LPO: variants seen among roughly 807,000 people sequenced by gnomAD.
The protein encoded by LPO is salivary peroxidase.
Under a neutral mutation model 68.4 loss-of-function variants are expected in LPO, and 70 were observed. That is an observed-to-expected ratio of 1.02 (90% confidence interval 0.84 to 1.25). LPO has a LOEUF of 1.25. Ranked by LOEUF, LPO falls within the 50% of genes most tolerant of loss-of-function variation. The probability of loss-of-function intolerance (pLI) is 0.00; values close to 1 mark genes in which losing one functional copy is unlikely to be tolerated. For synonymous variants in LPO, 360 were observed against 357.6 expected (o/e 1.01, Z -0.08); for missense variants, 873 against 908.4 (o/e 0.96, Z 0.50).
At chr17:58,267,652 C>G (rs59837478) in intron 12 of LPO, 66 bp downstream of exon 12, 1 of 1,496,520 alleles carries the variant, frequency 6.7e-7, no homozygotes, top group Non-Finnish European at 9.1e-7. Context: ...TCCCAAGGTC[C>G]TGCGTGAGCG....
intron 9 of LPO, among the ~76,000 whole-genome samples, chr17:58,263,812 G>A (rs534280695): frequency 1.3e-5 from 2 of 152,142 alleles, no homozygotes; most frequent in East Asian, 1.9e-4. Context: ...GACTACTTTT[G>A]TGGGCTTTAG....
Position 58,254,857 on chromosome 17 carries a change from C to T in LPO, c.1152C>T (p.Thr384=), listed in dbSNP as rs1567820225. The T allele has an allele frequency of 6.2e-7, 1 of 1,614,122 alleles. No homozygotes were observed. The highest frequency in any genetic ancestry group is 1.1e-5 in the South Asian group (1 of 91,084). The change falls in exon 9 of 13, where the codon ACC becomes ACT. Residue 384 remains threonine (T), a synonymous_variant. Coordinates refer to ENST00000262290, the MANE Select transcript of LPO (RefSeq NM_006151.3). ...ATATTCTGCTGGCCACATCCCACAC[C>T]CTCTTTCTCCGCGAGCATAACCGGC... ...SEHILLATSH[T]LFLREHNRLA...
rs1420837565 is a variant in LPO, at chr17:58,267,395, A to G, written c.1740A>G (p.Thr580=). ...TCTGTGACCTCTCACAGCCGCAGACACTAGAGGAGTTGAACACAGTGCTGA... is the reference window on the plus strand; with the variant it reads ...TCTGTGACCTCTCACAGCCGCAGACGCTAGAGGAGTTGAACACAGTGCTGA... The part of the protein sequence containing the change: ...RAFCDLSQPQ[T]LEELNTVLKS... The change falls in exon 12 of 13, where the codon ACA becomes ACG. Residue 580 remains threonine, a synonymous_variant. Coordinates refer to ENST00000262290, the MANE Select transcript of LPO (RefSeq NM_006151.3). The G allele has an allele frequency of 2.5e-6, 4 of 1,614,108 alleles. No individual in the cohort carries two copies. Among genetic ancestry groups the G allele is most frequent in the East Asian group, 2.2e-5 (1 of 44,898 alleles).
chr17:58,250,701 G>GA, intron 7 of LPO, 80 bp downstream of exon 7: 1 of 1,407,868 alleles, frequency 7.1e-7, no homozygotes, highest in Non-Finnish European at 1.0e-6. Context: ...CATCAGCTAG[G>GA]ATCTCTGGAT....
rs755945869 is a variant in LPO at position 58,267,513 on chromosome 17, G to C, written c.1858G>C (p.Glu620Gln). Residue 620 changes from glutamate to glutamine, a missense_variant, in exon 12 of 13, where the codon GAA becomes CAA. Coordinates refer to ENST00000262290, the MANE Select transcript of LPO (RefSeq NM_006151.3). ...AGGGGCCATTGCTGAGCCGCTGGTG[G>C]AAAGGGGTCGGGTGGGGCCTCTCCT... is the stretch of plus-strand genomic sequence containing the variant. ...WIGAIAEPLV[E>Q]RGRVGPLLAC... is the part of the protein sequence containing the mutation. 1 of 1,614,236 alleles carries C rather than the reference G, an allele frequency of 6.2e-7. No individual in the cohort carries two copies. Among genetic ancestry groups the C allele is most frequent in the South Asian group, 1.1e-5 (1 of 91,086 alleles).
rs1397967559 is a variant in LPO at position 58,264,721 on chromosome 17, G to C, written c.1267-1G>C. The C allele has an allele frequency of 8.1e-6, 13 of 1,613,652 alleles. No homozygotes were observed. The African/African-American group carries it at 1.3e-4, about 17-fold the overall frequency. On this transcript the variant is annotated splice_acceptor_variant, in intron 9 of 12. Coordinates refer to ENST00000262290, the MANE Select transcript of LPO (RefSeq NM_006151.3). LOFTEE classifies it high-confidence loss of function. Reference sequence around the variant, plus strand: ...TCCTCTTGATTTTATTCTCCCTCCAGATTATCACCTTTAGGGACTACCTAC... The same window carrying C: ...TCCTCTTGATTTTATTCTCCCTCCACATTATCACCTTTAGGGACTACCTAC...
intron 7 of LPO, chr17:58,251,680 A>T (rs541598002): frequency 2.8e-6 from 1 of 360,338 alleles, no homozygotes; most frequent in South Asian, 2.1e-5. Flanking sequence ...CTTCCAGTGT[A>T]TAAGTTCTTA....
At chr17:58,239,575 C>T (rs937001116) in intron 1 of LPO, among the ~76,000 whole-genome samples, 1 of 151,952 alleles carries the variant, frequency 6.6e-6, no homozygotes, top group Non-Finnish European at 1.5e-5. Context: ...TTCCTATTGG[C>T]TCACTCCACC....
At chr17:58,265,062 G>A in intron 10 of LPO, 88 bp downstream of exon 10, 1 of 1,543,302 alleles carries the variant, frequency 6.5e-7, no homozygotes, top group Middle Eastern at 2.2e-4. Context: ...CAGATTCCAA[G>A]CACTTTTACA....
Position 58,252,263 on chromosome 17 carries a change from C to T in LPO, c.862C>T (p.Pro288Ser). The T allele has an allele frequency of 6.2e-7, 1 of 1,614,210 alleles. No homozygotes were observed. Among genetic ancestry groups the T allele is most frequent in the Non-Finnish European group, 8.5e-7 (1 of 1,180,038 alleles). The change falls in exon 8 of 13, where the codon CCC becomes TCC. Residue 288 changes from proline (P) to serine (S), a missense_variant. Coordinates refer to ENST00000262290, the MANE Select transcript of LPO (RefSeq NM_006151.3). ...FRAGFVCPTP[P>S]YKSLAREQIN... ...AGCTGGGTTCGTCTGCCCCACTCCA[C>T]CCTACAAGTCCCTGGCCCGAGAGCA...
At chr17:58,265,114 C>A in intron 10 of LPO, 140 bp downstream of exon 10, 1 of 1,119,166 alleles carries the variant, frequency 8.9e-7, no homozygotes, top group Non-Finnish European at 1.3e-6. Flanking sequence ...GCCTCAGTTT[C>A]CTCATTTATA....
intron 8 of LPO, among the ~76,000 whole-genome samples, chr17:58,253,723 G>A (rs1187880935): frequency 1.3e-5 from 2 of 152,182 alleles, no homozygotes; most frequent in Admixed American, 6.5e-5. Flanking sequence ...TGGATTTTGT[G>A]TTCACATATA....
At position 58,240,298 on chromosome 17, in the gene LPO, T is replaced by G. The variant is rs534376670; in HGVS notation, c.-3+1559T>G. Among the ~76,000 whole-genome samples, 27 of 152,290 alleles carry G rather than the reference T, an allele frequency of 1.8e-4. No individual in the cohort carries two copies. In the East Asian group the frequency reaches 5.2e-3, roughly 29 times the overall value. ...AGGCTGTGGCTCTGTCTCCAGATAG[T>G]GCTTCATGTCCCAGGGAAGGCTCCA... is the stretch of plus-strand genomic sequence containing the variant. On this transcript the variant is annotated intron_variant, in intron 1 of 12. Coordinates refer to ENST00000262290, the MANE Select transcript of LPO (RefSeq NM_006151.3).
intron 2 of LPO, chr17:58,243,393 A>C (rs959635828): frequency 7.3e-6 from 2 of 273,984 alleles, no homozygotes; most frequent in Admixed American, 9.9e-5. Flanking sequence ...CTAAGGCAGT[A>C]TGACCTCATT....
Position 58,250,526 on chromosome 17 carries a change from G to C in LPO, c.685G>C (p.Asp229His). ...GGGTCAGATTGTGGATCATGACCTG[G>C]ACTTTGCCCCTGACACCGAGCTGGG... ...QWGQIVDHDL[D>H]FAPDTELGSS... Residue 229 changes from aspartate to histidine, a missense_variant, in exon 7 of 13, where the codon GAC becomes CAC. Asp to His is a moderately conservative substitution (Grantham distance 81). Transcript: ENST00000262290. 6.2e-7 allele frequency: 1 copy of C among 1,614,126 alleles called. No individual in the cohort carries two copies. The highest frequency in any genetic ancestry group is 8.5e-7 in the Non-Finnish European group (1 of 1,180,030).
At chr17:58,258,970 A>G (rs896200804) in intron 9 of LPO, among the ~76,000 whole-genome samples, 4 of 152,156 alleles carry the variant, frequency 2.6e-5, no homozygotes, top group East Asian at 1.9e-4. Flanking sequence ...TCTAGACACA[A>G]GTCCTTTGTC....
intron 2 of LPO, 197 bp downstream of exon 2, chr17:58,243,252 TG>T (rs1301801951): frequency 1.8e-6 from 1 of 557,974 alleles, no homozygotes; most frequent in Non-Finnish European, 3.2e-6. Flanking sequence ...CTGGTGGCCC[TG>T]GTATCCTTGG....
Position 58,249,074 on chromosome 17 carries a change from T to A in LPO, c.340T>A (p.Leu114Met). ...LTNVTDPSLD[L>M]TSLSLEVGCG... ...TTCTGTTTCAGATCCCAGCCTGGAC[T>A]TGACTTCACTGTCTCTGGAGGTGGG... Residue 114 changes from leucine (L) to methionine (M), a missense_variant, in exon 5 of 13, where the codon TTG (leucine) becomes ATG (methionine). Coordinates refer to ENST00000262290, the MANE Select transcript of LPO (RefSeq NM_006151.3). The A allele has an allele frequency of 6.2e-7, 1 of 1,614,190 alleles. No homozygotes were observed. Among genetic ancestry groups the A allele is most frequent in the Non-Finnish European group, 8.5e-7 (1 of 1,179,994 alleles).
At chr17:58,256,826 C>CAAAAAAA (rs969464308) in intron 9 of LPO, among the ~76,000 whole-genome samples, 1 of 74,566 alleles carries the variant, frequency 1.3e-5, no homozygotes, top group Non-Finnish European at 3.0e-5. Context: ...GACTCCCTTT[C>CAAAAAAA]AAAAAAAAAA....
Sources: allele counts gnomAD v4.1 joint callset (sites outside exome capture counted in the v4.1 genomes callset), GRCh38; gene constraint gnomAD v4.1.1; transcripts MANE v1.5; gene names NCBI Gene and HGNC (gene_info 2026-07-23, HGNC 2026-07-21).